ACSL3: variants seen among roughly 807,000 people sequenced by gnomAD.
ACSL3 encodes the protein fatty acid CoA ligase Acsl3.
ACSL3 carries 34 observed loss-of-function variants against 84.7 expected under a neutral mutation model. That is an observed-to-expected ratio of 0.40 (90% CI 0.31 to 0.53). The LOEUF is 0.53. Among genes scored for constraint, ACSL3 ranks in the 20% least tolerant of loss-of-function variants. The probability of loss-of-function intolerance (pLI) is 0.48; values close to 1 mark genes in which losing one functional copy is unlikely to be tolerated. For missense variants in ACSL3, 680 were observed against 873.1 expected (o/e 0.78, Z 2.79); for synonymous variants, 315 against 299.4 (o/e 1.05, Z -0.54).
intron 16 of ACSL3, among the ~76,000 whole-genome samples, chr2:222,938,193 T>C (rs1177546420): frequency 2.0e-5 from 3 of 152,220 alleles, no homozygotes; most frequent in Non-Finnish European, 4.4e-5. Flanking sequence ...ATGTGACTTA[T>C]ACACCTATAT....
At chr2:222,875,651 C>A (rs1251261663) in intron 1 of ACSL3, among the ~76,000 whole-genome samples, 1 of 152,120 alleles carries the variant, frequency 6.6e-6, no homozygotes, top group Non-Finnish European at 1.5e-5. Context: ...TCTTTAATTG[C>A]ATGACGTTAT....
intron 4 of ACSL3, among the ~76,000 whole-genome samples, chr2:222,914,325 A>G (rs1406250171): frequency 6.7e-6 from 1 of 150,306 alleles, no homozygotes; most frequent in Non-Finnish European, 1.5e-5. Flanking sequence ...GTGTAGTGGT[A>G]TGATCATAGC....
intron 1 of ACSL3, among the ~76,000 whole-genome samples, chr2:222,866,753 G>GCCCC (rs1237425837): frequency 0.019 from 360 of 18,680 alleles, no homozygotes; most frequent in Non-Finnish European, 0.034. Context: ...TGCCCCCCCC[G>GCCCC]CCCCCCCCCC....
chr2:222,907,842 A>G (rs1014613893), intron 3 of ACSL3, among the ~76,000 whole-genome samples: 3 of 151,780 alleles, frequency 2.0e-5, no homozygotes, highest in Non-Finnish European at 4.4e-5. Flanking sequence ...TTACCCAAAT[A>G]GGCACATGGT....
chr2:222,920,150 T>C (rs1696694040), intron 7 of ACSL3, among the ~76,000 whole-genome samples: 1 of 151,830 alleles, frequency 6.6e-6, no homozygotes, highest in South Asian at 2.1e-4. Flanking sequence ...TTCCAAGAAG[T>C]GGTGGTGTTG....
At chr2:222,922,554 GTC>G (rs56044904) in intron 8 of ACSL3, among the ~76,000 whole-genome samples, 152 bp from the exon 9 acceptor site, 8 of 150,684 alleles carry the variant, frequency 5.3e-5, no homozygotes, top group Non-Finnish European at 8.9e-5. Context: ...GTTTTCACCT[GTC>G]TCTCTCTCTC....
At chr2:222,937,712 G>C (rs1697210859) in intron 16 of ACSL3, among the ~76,000 whole-genome samples, 2 of 151,992 alleles carry the variant, frequency 1.3e-5, no homozygotes, top group South Asian at 4.1e-4. Context: ...GTTTCTTGTG[G>C]ATGGCATATA....
In ACSL3 at chr2:222,942,128, T is replaced by G. The variant is rs552142589; in HGVS notation, c.*474T>G. ...TATGTAAATTTCAAATGCTTATGAA[T>G]CAAATCATTGTTGAACAAAAGATTT... On this transcript the variant is annotated 3_prime_UTR_variant, in exon 17 of 17. Coordinates refer to ENST00000357430, the MANE Select transcript of ACSL3 (RefSeq NM_004457.5). 5 of 205,096 alleles carry G rather than the reference T, an allele frequency of 2.4e-5. No homozygotes were observed. The highest frequency in any genetic ancestry group is 4.0e-5 in the Non-Finnish European group (4 of 99,932). The allele number at this position is 205,096 out of a possible 1,614,324, so 12.7% of individuals were successfully genotyped here. A position where few individuals can be genotyped will look rare whatever the true frequency, so the allele number is the denominator to read the frequency against.
At chr2:222,939,664 T>A (rs1697255693) in intron 16 of ACSL3, among the ~76,000 whole-genome samples, 1 of 152,214 alleles carries the variant, frequency 6.6e-6, no homozygotes, top group Non-Finnish European at 1.5e-5. Flanking sequence ...GGGGAGGGTC[T>A]CTGGCAAGCG....
intron 7 of ACSL3, 61 bp from the exon 8 acceptor site, chr2:222,921,219 A>C: frequency 6.5e-7 from 1 of 1,537,060 alleles, no homozygotes; most frequent in Non-Finnish European, 8.9e-7. Flanking sequence ...AATGAAAAGA[A>C]ATTGTTGATA....
chr2:222,877,903 T>A (rs1425630319), intron 1 of ACSL3, among the ~76,000 whole-genome samples: 1 of 152,266 alleles, frequency 6.6e-6, no homozygotes, highest in African/African-American at 2.4e-5. Context: ...TGTTTCTTGT[T>A]ATTAATTTCA....
intron 2 of ACSL3, among the ~76,000 whole-genome samples, chr2:222,894,219 A>G (rs1037300054): frequency 2.0e-5 from 3 of 152,214 alleles, no homozygotes; most frequent in African/African-American, 4.8e-5. Flanking sequence ...TCATAACACA[A>G]GATCTGAATA....
At chr2:222,888,379 G>A (rs988704019) in intron 2 of ACSL3, among the ~76,000 whole-genome samples, 3 of 152,154 alleles carry the variant, frequency 2.0e-5, no homozygotes, top group African/African-American at 7.2e-5. Context: ...AAGTGAATTA[G>A]AGTTTATGAA....
intron 1 of ACSL3, among the ~76,000 whole-genome samples, chr2:222,863,078 C>T (rs1695053483): frequency 6.6e-6 from 1 of 152,116 alleles, no homozygotes; most frequent in Admixed American, 6.5e-5. Context: ...TCACCTAGAG[C>T]CATTTAATTT....
chr2:222,866,396 C>G (rs562548572), intron 1 of ACSL3, among the ~76,000 whole-genome samples: 1 of 152,156 alleles, frequency 6.6e-6, no homozygotes, highest in African/African-American at 2.4e-5. Context: ...CCGCCCGCCT[C>G]GCCCTCCCAA....
intron 1 of ACSL3, among the ~76,000 whole-genome samples, chr2:222,866,580 G>A (rs1273447922): frequency 6.6e-6 from 1 of 152,168 alleles, no homozygotes; most frequent in Non-Finnish European, 1.5e-5. Context: ...CAGAGTCCCT[G>A]TTCTTAACCT....
intron 1 of ACSL3, among the ~76,000 whole-genome samples, chr2:222,870,049 G>A (rs575925943): frequency 2.6e-5 from 4 of 151,876 alleles, no homozygotes; most frequent in African/African-American, 4.8e-5. Context: ...TAACCCTGCC[G>A]TTGAGACTGG....
At chr2:222,905,861 T>C (rs553097727) in intron 3 of ACSL3, among the ~76,000 whole-genome samples, 1 of 151,302 alleles carries the variant, frequency 6.6e-6, no homozygotes, top group East Asian at 1.9e-4. Flanking sequence ...TGATTTCCTT[T>C]AGTTCTTTTT....
intron 1 of ACSL3, among the ~76,000 whole-genome samples, chr2:222,883,909 T>A (rs578034011): frequency 6.6e-6 from 1 of 152,324 alleles, no homozygotes; most frequent in Admixed American, 6.5e-5. Context: ...GAACTTTTTC[T>A]TATTTTTATT....
Sources: allele counts gnomAD v4.1 joint callset (sites outside exome capture counted in the v4.1 genomes callset), GRCh38; gene constraint gnomAD v4.1.1; transcripts MANE v1.5; gene names NCBI Gene and HGNC (gene_info 2026-07-23, HGNC 2026-07-21).